The following DDX60 variants were observed in gnomAD, a reference collection of about 807,000 sequenced individuals.
DDX60 encodes DExD/H-box helicase 60, also known as probable ATP-dependent RNA helicase DDX60.
In DDX60, 165 loss-of-function variants were observed where a neutral mutation model predicts 212.8. The ratio of observed to expected loss-of-function variants is 0.78; its 90% CI spans 0.68 to 0.88. DDX60 has a LOEUF of 0.88. DDX60 is among the 40% of genes least tolerant of loss of function. The pLI is 0.00. For missense variants in DDX60, 1,905 were observed against 2,003.9 expected, an observed-to-expected ratio of 0.95 and a Z score of 0.94; for synonymous variants, 703 against 685.3, an observed-to-expected ratio of 1.03 and a Z score of -0.40.
chr4:168,266,601 G>A (rs1384528059), intron 22 of DDX60, among the ~76,000 whole-genome samples: 1 of 152,150 alleles, frequency 6.6e-6, no homozygotes, highest in Non-Finnish European at 1.5e-5. Flanking sequence ...CTGGTATTTG[G>A]CATCCGGTTT....
chr4:168,291,354 A>G (rs1006397153), intron 8 of DDX60, among the ~76,000 whole-genome samples: 6 of 152,184 alleles, frequency 3.9e-5, no homozygotes, highest in Non-Finnish European at 5.9e-5. Flanking sequence ...TTTTGCTTCT[A>G]TTTCTCTAAA....
At chr4:168,286,592 G>A (rs989599052) in intron 10 of DDX60, among the ~76,000 whole-genome samples, 3 of 151,914 alleles carry the variant, frequency 2.0e-5, no homozygotes, top group Non-Finnish European at 4.4e-5. Flanking sequence ...TGCGTTTGTC[G>A]GGATCCTTTC....
chr4:168,324,570 G>C, the DDX60 span, among the ~76,000 whole-genome samples: 1 of 152,124 alleles, frequency 6.6e-6, no homozygotes, highest in Admixed American at 6.5e-5. Context: ...TGTAAATGTG[G>C]AATATGTTGC....
chr4:168,276,528 T>C (rs1735349127), intron 14 of DDX60, among the ~76,000 whole-genome samples: 1 of 152,228 alleles, frequency 6.6e-6, no homozygotes, highest in Admixed American at 6.5e-5. Context: ...AAAATATCTT[T>C]ATTACTTGAA....
At chr4:168,265,031 T>C (rs1255350536) in intron 22 of DDX60, among the ~76,000 whole-genome samples, 2 of 152,198 alleles carry the variant, frequency 1.3e-5, no homozygotes, top group Non-Finnish European at 2.9e-5. Flanking sequence ...AGATAGCAGT[T>C]CTTTCAAGGA....
intron 12 of DDX60, among the ~76,000 whole-genome samples, chr4:168,284,334 A>G (rs775103093): frequency 6.6e-6 from 1 of 152,192 alleles, no homozygotes; most frequent in Non-Finnish European, 1.5e-5. Flanking sequence ...GGGTAAGCAT[A>G]GGGATACAGA....
At chr4:168,317,350 T>C (rs1737439915) in intron 1 of DDX60, among the ~76,000 whole-genome samples, 1 of 151,260 alleles carries the variant, frequency 6.6e-6, no homozygotes. Flanking sequence ...CACAGTAGTG[T>C]CAGAACCATA....
intron 28 of DDX60, among the ~76,000 whole-genome samples, chr4:168,250,079 G>C (rs774021873): frequency 6.6e-6 from 1 of 152,124 alleles, no homozygotes; most frequent in Admixed American, 6.5e-5. Flanking sequence ...AAATCCCTGC[G>C]CACTGTCATG....
chr4:168,308,568 G>A (rs1438946067), intron 3 of DDX60, among the ~76,000 whole-genome samples: 1 of 151,616 alleles, frequency 6.6e-6, no homozygotes, highest in Non-Finnish European at 1.5e-5. Context: ...TAAGCAAGAG[G>A]AAACTGTTTC....
chr4:168,268,082 G>T, intron 20 of DDX60, 99 bp from the exon 21 acceptor site: 2 of 1,037,988 alleles, frequency 1.9e-6, no homozygotes, highest in Non-Finnish European at 2.8e-6. Flanking sequence ...TCCTTATAAA[G>T]TGTACTTAGG....
At chr4:168,287,665 G>C (rs1441045150) in intron 9 of DDX60, among the ~76,000 whole-genome samples, 1 of 152,138 alleles carries the variant, frequency 6.6e-6, no homozygotes, top group Non-Finnish European at 1.5e-5. Context: ...TGTTCAATCA[G>C]TTAGAGTTCT....
At chr4:168,277,916 T>C (rs921661545) in intron 14 of DDX60, among the ~76,000 whole-genome samples, 3 of 151,888 alleles carry the variant, frequency 2.0e-5, no homozygotes, top group Non-Finnish European at 4.4e-5. Flanking sequence ...TCGCACCATC[T>C]CACTTCATCC....
At chr4:168,273,130 A>G in intron 18 of DDX60, 149 bp downstream of exon 18, 1 of 789,854 alleles carries the variant, frequency 1.3e-6, no homozygotes, top group Non-Finnish European at 1.9e-6. Context: ...ATGTAACAAT[A>G]TTACATTTTT....
At chr4:168,276,221 T>C (rs1735335431) in intron 14 of DDX60, 40 bp from the exon 15 acceptor site, 1 of 1,491,888 alleles carries the variant, frequency 6.7e-7, no homozygotes, top group East Asian at 2.3e-5. Context: ...ATAAAGACCA[T>C]CAAAAATAAT....
In DDX60 at chr4:168,272,803, T is replaced by C. The variant is rs368211667; in HGVS notation, c.2574+476A>G. On this transcript the variant is annotated intron_variant, in intron 18 of 37. Transcript: ENST00000393743. ...TCCATGTCTACCATGCAATCTTCTATAATCATGTGTTCATTCTTATTTAGT... is the reference window on the plus strand; with the variant it reads ...TCCATGTCTACCATGCAATCTTCTACAATCATGTGTTCATTCTTATTTAGT... Among the ~76,000 whole-genome samples the C allele has an allele frequency of 8.2e-4, 125 of 152,346 alleles. 6 individuals carry two copies. In the South Asian group the frequency reaches 0.025, roughly 31 times the overall value.
intron 30 of DDX60, among the ~76,000 whole-genome samples, chr4:168,238,236 CAAAAAAA>C (rs57638327): frequency 2.5e-5 from 2 of 80,890 alleles, no homozygotes; most frequent in Non-Finnish European, 5.1e-5. Context: ...TATGAAATTC[CAAAAAAA>C]AAAAAAAAAA....
At position 168,275,351 on chromosome 4, in the gene DDX60, T is replaced by C. The variant is rs139888899; in HGVS notation, c.2298A>G (p.Thr766=). 3.6e-4 allele frequency: 575 copies of C among 1,605,172 alleles called. 1 individual carries two copies. Among genetic ancestry groups the C allele is most frequent in the Middle Eastern group, 2.2e-3 (13 of 6,028 alleles). Residue 766 remains threonine, a synonymous_variant, in exon 16 of 38, where the codon ACA becomes ACG. Coordinates refer to ENST00000393743, the MANE Select transcript of DDX60 (RefSeq NM_017631.6). ...GTTTCATTTGCAGTATTACCTGCCA[T>C]GTGTCGGGAATAAAATCCTGGACCC... ...DPRVQDFIPD[T]WQRELLDVVD...
chr4:168,258,975 C>T (rs941391575), intron 25 of DDX60, among the ~76,000 whole-genome samples: 2 of 152,160 alleles, frequency 1.3e-5, no homozygotes, highest in African/African-American at 2.4e-5. Context: ...CACATCTTCA[C>T]CCAAGTTACC....
At chr4:168,321,839 TATTCA>T (rs1737615214), upstream of DDX60, among the ~76,000 whole-genome samples, 1 of 152,242 alleles carries the variant, frequency 6.6e-6, no homozygotes, top group African/African-American at 2.4e-5. Flanking sequence ...AATTAGAACC[TATTCA>T]ATTCAATAGA....
Sources: allele counts gnomAD v4.1 joint callset (sites outside exome capture counted in the v4.1 genomes callset), GRCh38; gene constraint gnomAD v4.1.1; transcripts MANE v1.5; gene names NCBI Gene and HGNC (gene_info 2026-07-23, HGNC 2026-07-21).